Variants in GP6 observed in about 807,000 individuals in gnomAD.
GP6 encodes platelet glycoprotein VI.
Under a neutral mutation model 37.3 loss-of-function variants are expected in GP6, and 45 were observed. The ratio of observed to expected loss-of-function variants is 1.21; its 90% CI spans 0.95 to 1.55. The LOEUF (loss-of-function observed/expected upper bound fraction) is 1.55. Ranked by LOEUF, GP6 falls within the 40% of genes most tolerant of loss-of-function variation. The probability of loss-of-function intolerance (pLI) is 0.00; values close to 1 mark genes in which losing one functional copy is unlikely to be tolerated. For synonymous variants in GP6, 340 were observed against 316.4 expected, an observed-to-expected ratio of 1.07 and a Z score of -0.79; for missense variants, 813 against 760.2, an observed-to-expected ratio of 1.07 and a Z score of -0.82.
In GP6 at chr19:55,022,228, C is replaced by T. The variant is rs148320105; in HGVS notation, c.664+2990G>A. Reference sequence around the variant, plus strand: ...TTTGTCATGAAATCTTTGCCCATGCCTGTGTCCTGAATGGTATTACCTAGA... The same window carrying T: ...TTTGTCATGAAATCTTTGCCCATGCTTGTGTCCTGAATGGTATTACCTAGA... On this transcript the variant is annotated intron_variant, in intron 5 of 7. Coordinates refer to ENST00000310373, the MANE Select transcript of GP6 (RefSeq NM_001083899.2). 3.0e-3 allele frequency among the ~76,000 whole-genome samples: 452 copies of T among 152,282 alleles called. 8 individuals are homozygous for T. The highest frequency in any genetic ancestry group is 0.01 in the African/African-American group (436 of 41,566).
intron 7 of GP6, 137 bp from the exon 8 acceptor site, chr19:55,015,302 T>A: frequency 7.1e-7 from 1 of 1,402,370 alleles, no homozygotes; most frequent in Non-Finnish European, 9.8e-7. Flanking sequence ...GGAGGGTCCC[T>A]CCCTTCCCGA....
chr19:55,024,304 A>ACACACACACACGCACACG (rs1568612810), intron 5 of GP6, among the ~76,000 whole-genome samples: 3 of 75,736 alleles, frequency 4.0e-5, no homozygotes, highest in African/African-American at 1.0e-4. Context: ...ACGCATGCAC[A>ACACACACACACGCACACG]CACATATGCA....
At chr19:55,026,009 A>G (rs2074288942) in intron 4 of GP6, among the ~76,000 whole-genome samples, 2 of 151,182 alleles carry the variant, frequency 1.3e-5, no homozygotes, top group Non-Finnish European at 2.9e-5. Context: ...CCAAAAAAAA[A>G]AAAAAAAAAA....
At chr19:55,029,372 A>T (rs1411269259) in intron 3 of GP6, among the ~76,000 whole-genome samples, 257 of 2,838 alleles carry the variant, frequency 0.091, 28 homozygotes, top group African/African-American at 0.18. Flanking sequence ...ATATATATAT[A>T]TATTTTTTTT....
rs767194721 is a variant in GP6 at position 55,026,883 on chromosome 19, C to CAAAA, written c.610+691_610+694dup. Among the ~76,000 whole-genome samples, 3 of 131,096 alleles carry CAAAA rather than the reference C, an allele frequency of 2.3e-5. No individual in the cohort carries two copies. The Admixed American group carries it at 2.3e-4, about 10-fold the overall frequency. The allele number at this position is 131,096 out of a possible 152,430, so 86.0% of individuals were successfully genotyped here. On this transcript the variant is annotated intron_variant, in intron 4 of 7. Coordinates refer to ENST00000310373, the MANE Select transcript of GP6 (RefSeq NM_001083899.2). ...CCTGGGTGACAGAGTGAGACTTCGT[C>CAAAA]AAAAAAAAAAAAAAGAAACCTCCAT... is the stretch of plus-strand genomic sequence containing the variant.
intron 3 of GP6, among the ~76,000 whole-genome samples, chr19:55,031,467 A>T (rs2074557418): frequency 6.6e-6 from 1 of 152,124 alleles, no homozygotes; most frequent in African/African-American, 2.4e-5. Context: ...AAGTGCATTA[A>T]AACACAGATA....
In GP6 at chr19:55,029,525, G is replaced by A. The variant is rs1276575120; in HGVS notation, c.326-1663C>T. Among the ~76,000 whole-genome samples the A allele has an allele frequency of 2.7e-5, 4 of 149,682 alleles. No homozygotes were observed. In the East Asian group the frequency reaches 5.9e-4, roughly 22 times the overall value. ...CCTGCCTCAGCCTCCCGAGTAGCTG[G>A]GACTACAGGCATGCACCACCATGCC... On this transcript the variant is annotated intron_variant, in intron 3 of 7. Transcript: ENST00000310373.
chr19:55,020,865 A>T (rs2074051404), intron 5 of GP6, among the ~76,000 whole-genome samples: 1 of 151,632 alleles, frequency 6.6e-6, no homozygotes, highest in South Asian at 2.1e-4. Flanking sequence ...ACCCTGGCCA[A>T]CATGGTGAAA....
In GP6 at chr19:55,015,172, G is replaced by A. The variant is rs1568590113; in HGVS notation, c.780-7C>T. The A allele has an allele frequency of 1.3e-6, 2 of 1,554,134 alleles. No individual in the cohort carries two copies. Among genetic ancestry groups the A allele is most frequent in the Non-Finnish European group, 1.7e-6 (2 of 1,148,374 alleles). On this transcript the variant is annotated splice_region_variant and splice_polypyrimidine_tract_variant and intron_variant, in intron 7 of 7. Transcript: ENST00000310373. ...TAGTACTGGCGGGCAGGACCTGGAG[G>A]AATGAGGAGAGGCAGGAGCAGGTGA...
chr19:55,038,123 T>C, intron 1 of GP6, 80 bp downstream of exon 1: 2 of 1,160,940 alleles, frequency 1.7e-6, no homozygotes, highest in East Asian at 2.5e-5. Flanking sequence ...TCATCACCAA[T>C]GCAAATTTCT....
At position 55,018,347 on chromosome 19, in the gene GP6, T is replaced by C. The variant is rs147217489; in HGVS notation, c.724+305A>G. 3.0e-3 allele frequency among the ~76,000 whole-genome samples: 452 copies of C among 152,354 alleles called. 8 individuals carry two copies. Among genetic ancestry groups the C allele is most frequent in the African/African-American group, 0.011 (438 of 41,588 alleles). On this transcript the variant is annotated intron_variant, in intron 6 of 7. Transcript: ENST00000310373. ...GGACACAGTGAGGAGCGAGATTAAA[T>C]ACCTGGATCACAGCCGAGTCCAAAG...
At chr19:55,025,392 A>G in intron 4 of GP6, 121 bp from the exon 5 acceptor site, 1 of 730,466 alleles carries the variant, frequency 1.4e-6, no homozygotes, top group South Asian at 1.5e-5. Flanking sequence ...AGCTTACATC[A>G]CTGGACTGTT....
At chr19:55,016,916 C>T (rs575305974) in intron 6 of GP6, among the ~76,000 whole-genome samples, 133 of 151,876 alleles carry the variant, frequency 8.8e-4, no homozygotes, top group Non-Finnish European at 1.6e-3. Context: ...AATAGCTGGG[C>T]ATGGTGGCAC....
At position 55,038,204 on chromosome 19, in the gene GP6, A is replaced by G; in HGVS notation, c.33T>C (p.Leu11=). The G allele has an allele frequency of 1.9e-6, 3 of 1,591,944 alleles. No individual in the cohort carries two copies. The highest frequency in any genetic ancestry group is 1.8e-5 in the Admixed American group (1 of 56,910). ...CCAGATCTGACCCTCAGGACTCACC[A>G]AGACAGAAGAGGGCGGTCGGGGATG... The change falls in exon 1 of 8, where the codon CTT becomes CTC. Residue 11 remains leucine (L), a splice_region_variant and synonymous_variant. Transcript: ENST00000310373.
At chr19:55,037,115 C>T (rs773327517) in intron 1 of GP6, among the ~76,000 whole-genome samples, 32 of 152,158 alleles carry the variant, frequency 2.1e-4, no homozygotes, top group Non-Finnish European at 4.1e-4. Context: ...AGTAATGCAA[C>T]CATCTTCTTC....
intron 6 of GP6, among the ~76,000 whole-genome samples, chr19:55,016,563 A>T (rs2073884573): frequency 6.6e-6 from 1 of 151,676 alleles, no homozygotes; most frequent in African/African-American, 2.4e-5. Flanking sequence ...TTTAGTAGAG[A>T]TGGGATTTCA....
In GP6 at chr19:55,032,819, A is replaced by G. The variant is rs560851334; in HGVS notation, c.35-281T>C. On this transcript the variant is annotated intron_variant, in intron 1 of 7. Transcript: ENST00000310373. ...GGGTGGTGGGAGAGGAGGGCAAGGC[A>G]TGGTGGCGTACTGCTCTCTGTGGAC... is the stretch of plus-strand genomic sequence containing the variant. 8.5e-4 allele frequency: 504 copies of G among 593,440 alleles called. 3 individuals carry two copies. The African/African-American group carries it at 8.8e-3, about 10-fold the overall frequency. 36.8% of individuals were successfully genotyped at this position (593,440 alleles called of 1,614,324 possible).
rs886043669 is a variant in GP6 at position 55,027,709 on chromosome 19, C to T, written c.479G>A (p.Trp160Ter). ...GATGATGGGAAAACTAGCCCTGTAC[C>T]ATCTCTCGGGATTCTTGTAGGGCGC... is the stretch of plus-strand genomic sequence containing the variant. The change falls in exon 4 of 8, where the codon TGG (tryptophan) becomes TAG (stop). Residue 160 changes from tryptophan to a stop codon, truncating the protein, a stop_gained. Coordinates refer to ENST00000310373, the MANE Select transcript of GP6 (RefSeq NM_001083899.2). LOFTEE classifies it high-confidence loss of function. 1.2e-5 allele frequency: 20 copies of T among 1,613,256 alleles called. No homozygotes were observed. Among genetic ancestry groups the T allele is most frequent in the Middle Eastern group, 1.6e-4 (1 of 6,084 alleles).
At chr19:55,016,635 A>G (rs967552683) in intron 6 of GP6, among the ~76,000 whole-genome samples, 1 of 151,832 alleles carries the variant, frequency 6.6e-6, no homozygotes, top group Non-Finnish European at 1.5e-5. Context: ...AGGCCTCCCA[A>G]AGTGCTGGGA....
Sources: gnomAD v4.1 joint callset for allele counts (sites outside exome capture counted in the v4.1 genomes callset) on GRCh38, gnomAD v4.1.1 for gene constraint, MANE v1.5 for transcripts, NCBI Gene and HGNC (gene_info 2026-07-23, HGNC 2026-07-21) for gene names.